MAP3K5: variants seen among roughly 807,000 people sequenced by gnomAD.
MAP3K5 encodes ASK-1.
MAP3K5 carries 56 observed loss-of-function variants against 158.7 expected under a neutral mutation model. The ratio of observed to expected loss-of-function variants is 0.35; its 90% CI spans 0.28 to 0.44. The LOEUF (loss-of-function observed/expected upper bound fraction) is 0.44. Ranked by LOEUF, MAP3K5 falls within the 20% of genes least tolerant of loss-of-function variation. The pLI, the probability that MAP3K5 is intolerant of heterozygous loss-of-function variation, is 1.00. For missense variants in MAP3K5, 1,294 were observed against 1,674.8 expected, an observed-to-expected ratio of 0.77 and a Z score of 3.97; for synonymous variants, 579 against 601.7, an observed-to-expected ratio of 0.96 and a Z score of 0.55.
chr6:136,708,099 G>C (rs914804896), intron 2 of MAP3K5, among the ~76,000 whole-genome samples: 4 of 152,164 alleles, frequency 2.6e-5, no homozygotes, highest in Non-Finnish European at 5.9e-5. Flanking sequence ...TGGCTGACTA[G>C]AGGATAAAGG....
chr6:136,788,043 A>T (rs756411035), intron 1 of MAP3K5, among the ~76,000 whole-genome samples: 5 of 152,260 alleles, frequency 3.3e-5, no homozygotes, highest in South Asian at 2.1e-4. Context: ...GTTGGAACAT[A>T]GTCATGATCA....
intron 23 of MAP3K5, among the ~76,000 whole-genome samples, chr6:136,590,707 A>AT (rs1775346844): frequency 6.6e-6 from 1 of 151,790 alleles, no homozygotes; most frequent in Non-Finnish European, 1.5e-5. Flanking sequence ...CGCCTGGCTA[A>AT]TTTTTTGTAT....
intron 7 of MAP3K5, among the ~76,000 whole-genome samples, chr6:136,691,283 T>A (rs1780375152): frequency 6.6e-6 from 1 of 152,142 alleles, no homozygotes; most frequent in Non-Finnish European, 1.5e-5. Context: ...CAACAGTATA[T>A]CTCTCCTCTC....
At chr6:136,735,116 T>G (rs1487033823) in intron 1 of MAP3K5, among the ~76,000 whole-genome samples, 1 of 152,226 alleles carries the variant, frequency 6.6e-6, no homozygotes, top group Non-Finnish European at 1.5e-5. Context: ...ATGCTTGAGG[T>G]TGTTCTGATT....
intron 18 of MAP3K5, among the ~76,000 whole-genome samples, chr6:136,606,832 A>G (rs1776120554): frequency 6.6e-6 from 1 of 152,246 alleles, no homozygotes. Flanking sequence ...GGTGAAAACA[A>G]TTGTGTAAAA....
chr6:136,677,553 C>G (rs1309175329), intron 7 of MAP3K5, among the ~76,000 whole-genome samples: 8 of 152,190 alleles, frequency 5.3e-5, no homozygotes, highest in Non-Finnish European at 1.2e-4. Context: ...ATGTCTGTGT[C>G]ATGAACTCTG....
Position 136,694,154 on chromosome 6 carries a change from G to A in MAP3K5, c.1239C>T (p.Asp413=), listed in dbSNP as rs372599403. The part of the protein sequence containing the change: ...DSNFTDTESR[D]HGASWFKKAF... ...TATTTACTTACCAAGAAGCTCCATGGTCTCTGCTTTCAGTGTCCGTGAAAT... is the reference window on the plus strand; with the variant it reads ...TATTTACTTACCAAGAAGCTCCATGATCTCTGCTTTCAGTGTCCGTGAAAT... The change falls in exon 7 of 30, where the codon GAC becomes GAT. Residue 413 remains aspartate, a synonymous_variant. Transcript: ENST00000359015. 1.6e-5 allele frequency: 26 copies of A among 1,612,464 alleles called. No individual in the cohort carries two copies. The Middle Eastern group carries it at 6.6e-4, about 41-fold the overall frequency.
At chr6:136,585,370 C>T (rs936771472) in intron 23 of MAP3K5, among the ~76,000 whole-genome samples, 17 of 151,610 alleles carry the variant, frequency 1.1e-4, no homozygotes, top group African/African-American at 3.6e-4. Flanking sequence ...CTCCCACCTC[C>T]GCCTCCCAAA....
intron 7 of MAP3K5, among the ~76,000 whole-genome samples, chr6:136,682,723 C>T (rs1779987566): frequency 6.6e-6 from 1 of 152,126 alleles, no homozygotes; most frequent in Non-Finnish European, 1.5e-5. Flanking sequence ...ACCTAATTTC[C>T]TTTCAGAGTT....
chr6:136,660,959 T>C (rs1778980294), intron 8 of MAP3K5, among the ~76,000 whole-genome samples: 1 of 151,928 alleles, frequency 6.6e-6, no homozygotes, highest in Admixed American at 6.6e-5. Context: ...TTTTTTTTTT[T>C]CCTTAATCAA....
intron 1 of MAP3K5, among the ~76,000 whole-genome samples, chr6:136,753,537 T>C (rs888336203): frequency 5.3e-5 from 8 of 152,168 alleles, no homozygotes; most frequent in African/African-American, 1.7e-4. Context: ...AGAAAGCATT[T>C]TGATAATCTT....
chr6:136,733,289 C>T (rs973941874), intron 1 of MAP3K5, among the ~76,000 whole-genome samples: 5 of 152,190 alleles, frequency 3.3e-5, no homozygotes, highest in Non-Finnish European at 5.9e-5. Context: ...TAAGCCACCA[C>T]GTCCAGCTTC....
At chr6:136,716,727 T>C (rs370926719) in intron 2 of MAP3K5, among the ~76,000 whole-genome samples, 1 of 152,242 alleles carries the variant, frequency 6.6e-6, no homozygotes, top group South Asian at 2.1e-4. Context: ...TAATTGTTAC[T>C]AGCATTTCTT....
intron 9 of MAP3K5, among the ~76,000 whole-genome samples, chr6:136,658,313 CTTTTTTTT>C (rs57535051): frequency 2.2e-5 from 2 of 90,486 alleles, no homozygotes; most frequent in African/African-American, 8.7e-5. Context: ...TTCTTTCTTT[CTTTTTTTT>C]TTTTTTTTTT....
chr6:136,707,357 A>T (rs1361503517), intron 2 of MAP3K5, among the ~76,000 whole-genome samples: 1 of 152,218 alleles, frequency 6.6e-6, no homozygotes, highest in Non-Finnish European at 1.5e-5. Context: ...AAAGCCTGGG[A>T]AGCTCAGCAG....
intron 2 of MAP3K5, among the ~76,000 whole-genome samples, chr6:136,712,352 T>C (rs755343889): frequency 2.0e-4 from 31 of 151,522 alleles, no homozygotes; most frequent in Admixed American, 5.9e-4. Context: ...CCAGCTAATT[T>C]TTGTAGAAAC....
rs192283098 is a variant in MAP3K5 at position 136,576,754 on chromosome 6, T to C, written c.3517+3547A>G. On this transcript the variant is annotated intron_variant, in intron 25 of 29. Transcript: ENST00000359015. ...GATCTAGGAAATGAACGTACAATCA[T>C]GTACGGTATAATAACATTTCAGTCA... Among the ~76,000 whole-genome samples the C allele has an allele frequency of 1.5e-3, 223 of 152,332 alleles. 1 individual carries two copies. Among genetic ancestry groups the C allele is most frequent in the African/African-American group, 3.5e-3 (147 of 41,548 alleles).
chr6:136,602,595 T>C (rs968212885), intron 19 of MAP3K5, among the ~76,000 whole-genome samples: 3 of 152,154 alleles, frequency 2.0e-5, no homozygotes, highest in Admixed American at 6.5e-5. Context: ...CGAGCCACCA[T>C]GCTCAGCCAC....
intron 1 of MAP3K5, 49 bp from the exon 2 acceptor site, chr6:136,720,638 C>A: frequency 1.4e-6 from 2 of 1,429,592 alleles, no homozygotes; most frequent in South Asian, 1.3e-5. Context: ...CAAATAATGC[C>A]CAATCAGCAC....
Sources: gnomAD v4.1 joint callset for allele counts (sites outside exome capture counted in the v4.1 genomes callset) on GRCh38, gnomAD v4.1.1 for gene constraint, MANE v1.5 for transcripts, NCBI Gene and HGNC (gene_info 2026-07-23, HGNC 2026-07-21) for gene names.